The following XPR1 variants were observed in gnomAD, a reference collection of about 807,000 sequenced individuals.
XPR1 encodes xenotropic and polytropic retrovirus receptor 1.
XPR1 carries 28 observed loss-of-function variants against 87.5 expected under a neutral mutation model. The observed-to-expected ratio is 0.32, with a 90% CI of 0.24 to 0.44. The LOEUF (loss-of-function observed/expected upper bound fraction) is 0.44. XPR1 is among the 20% of genes least tolerant of loss of function. XPR1 has a pLI of 1.00. For missense variants in XPR1, 559 were observed against 862.3 expected (o/e 0.65, Z 4.41); for synonymous variants, 300 against 306.1 (o/e 0.98, Z 0.21).
chr1:180,764,125 A>G lies in XPR1; in HGVS notation c.122-23628A>G, dbSNP rs147551688. 9.8e-5 allele frequency among the ~76,000 whole-genome samples: 15 copies of G among 152,334 alleles called. No homozygotes were observed. In the East Asian group the frequency reaches 2.7e-3, roughly 27 times the overall value. ...AAATTCAAAGTTGGGATTGATGGTG[A>G]TGCCAAACAACCACAGATCATTTAC... On this transcript the variant is annotated intron_variant, in intron 2 of 14. Coordinates refer to ENST00000367590, the MANE Select transcript of XPR1 (RefSeq NM_004736.4).
At chr1:180,657,383 AC>A (rs1384802465) in intron 1 of XPR1, among the ~76,000 whole-genome samples, 1 of 151,958 alleles carries the variant, frequency 6.6e-6, no homozygotes, top group African/African-American at 2.4e-5. Flanking sequence ...TGTCCTGGAG[AC>A]TTTCCTCAGT....
At chr1:180,820,485 A>G (rs968709663) in intron 7 of XPR1, among the ~76,000 whole-genome samples, 1 of 152,182 alleles carries the variant, frequency 6.6e-6, no homozygotes, top group Non-Finnish European at 1.5e-5. Flanking sequence ...GTAATATTCC[A>G]TTTTGTGTAT....
intron 2 of XPR1, among the ~76,000 whole-genome samples, chr1:180,777,363 G>A (rs1363833170): frequency 3.3e-5 from 5 of 152,160 alleles, no homozygotes; most frequent in African/African-American, 9.7e-5. Flanking sequence ...TGTCTCATTG[G>A]TCTCAGGAAG....
At chr1:180,877,566 A>C (rs972660138) in intron 13 of XPR1, among the ~76,000 whole-genome samples, 1 of 152,244 alleles carries the variant, frequency 6.6e-6, no homozygotes. Flanking sequence ...GAGTAAATCA[A>C]TGAACTCTCT....
intron 6 of XPR1, among the ~76,000 whole-genome samples, chr1:180,808,622 A>C (rs560526485): frequency 5.0e-4 from 76 of 152,276 alleles, no homozygotes; most frequent in African/African-American, 1.7e-3. Flanking sequence ...AATCAACCCA[A>C]CTTTTAAAAA....
chr1:180,659,340 C>A (rs914264667), intron 1 of XPR1, among the ~76,000 whole-genome samples: 3 of 127,610 alleles, frequency 2.4e-5, no homozygotes, highest in South Asian at 2.7e-4. Flanking sequence ...TCCTTCCTTC[C>A]GTCCTTCCTT....
chr1:180,727,803 C>G (rs561238758), intron 2 of XPR1, among the ~76,000 whole-genome samples: 1 of 152,202 alleles, frequency 6.6e-6, no homozygotes, highest in Non-Finnish European at 1.5e-5. Flanking sequence ...TTCATGCCTC[C>G]TCTTTTTTAG....
chr1:180,664,808 G>A (rs1257039696), intron 1 of XPR1, among the ~76,000 whole-genome samples: 1 of 152,298 alleles, frequency 6.6e-6, no homozygotes, highest in African/African-American at 2.4e-5. Flanking sequence ...TTTTCATGGG[G>A]TGGAGGAAGA....
Position 180,804,542 on chromosome 1 carries a change from G to A in XPR1, c.447+931G>A, listed in dbSNP as rs183096755. Among the ~76,000 whole-genome samples, 469 of 152,080 alleles carry A rather than the reference G, an allele frequency of 3.1e-3. 2 individuals are homozygous for A. The highest frequency in any genetic ancestry group is 0.011 in the African/African-American group (447 of 41,520). On this transcript the variant is annotated intron_variant, in intron 4 of 14. Coordinates refer to ENST00000367590, the MANE Select transcript of XPR1 (RefSeq NM_004736.4). ...TATTCTTGTGATTATTACTTATAAT[G>A]AGTGGTTAGGATCATCATAGGATGA...
chr1:180,761,933 A>G (rs1015635161), intron 2 of XPR1, among the ~76,000 whole-genome samples: 4 of 152,108 alleles, frequency 2.6e-5, no homozygotes, highest in Non-Finnish European at 4.4e-5. Flanking sequence ...ATGGAATACT[A>G]TGCAGCCATA....
At chr1:180,749,685 G>A (rs1463333539) in intron 2 of XPR1, among the ~76,000 whole-genome samples, 1 of 84,410 alleles carries the variant, frequency 1.2e-5, no homozygotes, top group Non-Finnish European at 2.8e-5. Flanking sequence ...ACACGGAGCT[G>A]GTGGTTAAAC....
intron 14 of XPR1, among the ~76,000 whole-genome samples, chr1:180,881,944 T>G (rs184069466): frequency 2.1e-4 from 32 of 152,298 alleles, no homozygotes; most frequent in African/African-American, 7.0e-4. Context: ...TGGTTGGTGC[T>G]GTGATCCCAA....
chr1:180,786,341 T>C (rs753055149), intron 2 of XPR1, among the ~76,000 whole-genome samples: 1 of 152,224 alleles, frequency 6.6e-6, no homozygotes, highest in Non-Finnish European at 1.5e-5. Flanking sequence ...ACCATTTTCC[T>C]TATTCCTAGA....
In XPR1 at chr1:180,834,862, T is replaced by C. The variant is rs1341416522; in HGVS notation, c.1135-12T>C. The C allele has an allele frequency of 1.3e-6, 2 of 1,589,916 alleles. No individual in the cohort carries two copies. Among genetic ancestry groups the C allele is most frequent in the African/African-American group, 2.7e-5 (2 of 73,156 alleles). On this transcript the variant is annotated splice_polypyrimidine_tract_variant and intron_variant, in intron 9 of 14. Transcript: ENST00000367590. ...CTTGTTTCTGTGTTTTCTGATTTTT[T>C]TTTTCTTTCAGTTTCGAGTATTTAC...
intron 2 of XPR1, among the ~76,000 whole-genome samples, chr1:180,687,066 A>G (rs926271797): frequency 6.6e-6 from 1 of 152,118 alleles, no homozygotes; most frequent in African/African-American, 2.4e-5. Flanking sequence ...ATATGCCGTA[A>G]AGAATACCTC....
intron 2 of XPR1, among the ~76,000 whole-genome samples, chr1:180,696,208 G>GTGTGTGTGTGTGTA (rs1241189679): frequency 6.8e-5 from 6 of 88,566 alleles, no homozygotes; most frequent in African/African-American, 2.2e-4. Flanking sequence ...GTGTGTGTGT[G>GTGTGTGTGTGTGTA]TATATATATA....
At chr1:180,724,224 AAAG>A (rs1244176801) in intron 2 of XPR1, among the ~76,000 whole-genome samples, 1 of 152,194 alleles carries the variant, frequency 6.6e-6, no homozygotes, top group African/African-American at 2.4e-5. Context: ...TTGGGATATC[AAAG>A]AATATCTAGA....
intron 13 of XPR1, among the ~76,000 whole-genome samples, chr1:180,879,431 C>T (rs1053197583): frequency 5.3e-5 from 8 of 152,306 alleles, no homozygotes; most frequent in Admixed American, 1.3e-4. Context: ...CTCTTCCACC[C>T]CTCCATCATT....
At chr1:180,740,771 G>A (rs776333662) in intron 2 of XPR1, among the ~76,000 whole-genome samples, 1 of 152,090 alleles carries the variant, frequency 6.6e-6, no homozygotes, top group Non-Finnish European at 1.5e-5. Flanking sequence ...GAAATTTAAG[G>A]TTAGGGAAAT....
Sources: allele counts gnomAD v4.1 joint callset (sites outside exome capture counted in the v4.1 genomes callset), GRCh38; gene constraint gnomAD v4.1.1; transcripts MANE v1.5; gene names NCBI Gene and HGNC (gene_info 2026-07-23, HGNC 2026-07-21).